Variants in COL22A1 observed in about 807,000 individuals in gnomAD.
COL22A1 encodes collagen type XXII alpha 1 chain, also known as collagen alpha-1(XXII) chain.
A neutral mutation model predicts 248.9 loss-of-function variants in COL22A1; 221 were observed. That is an observed-to-expected ratio of 0.89 (90% confidence interval 0.80 to 0.99). The LOEUF (loss-of-function observed/expected upper bound fraction) is 0.99, where lower values mean the gene tolerates loss of function less well. Among genes scored for constraint, COL22A1 ranks in the 50% least tolerant of loss-of-function variants. COL22A1 has a pLI of 0.00. For synonymous variants in COL22A1, 891 were observed against 793.4 expected (o/e 1.12, Z -2.07); for missense variants, 2,240 against 2,179.0 (o/e 1.03, Z -0.56).
At position 138,601,572 on chromosome 8, in the gene COL22A1, G is replaced by A. The variant is rs145009040; in HGVS notation, c.4185+543C>T. ...GCAGCAGTCGTGAGTGTGAGAACGC[G>A]TCCGCCTTCCACAGGCTCTTCAGAA... is the stretch of plus-strand genomic sequence containing the variant. On this transcript the variant is annotated intron_variant, in intron 60 of 64. Transcript: ENST00000303045. Among the ~76,000 whole-genome samples the A allele has an allele frequency of 3.9e-5, 6 of 152,144 alleles. 1 individual carries two copies. Among genetic ancestry groups the A allele is most frequent in the South Asian group, 4.1e-4 (2 of 4,822 alleles).
chr8:138,854,685 G>A (rs907323198), intron 3 of COL22A1, among the ~76,000 whole-genome samples: 11 of 152,138 alleles, frequency 7.2e-5, no homozygotes, highest in Non-Finnish European at 4.4e-5. Context: ...TTCTATTCCC[G>A]TTACAATAAG....
At chr8:138,843,537 C>T (rs536534722) in intron 4 of COL22A1, among the ~76,000 whole-genome samples, 17 of 152,242 alleles carry the variant, frequency 1.1e-4, no homozygotes, top group Non-Finnish European at 1.5e-4. Context: ...GATCCATGTT[C>T]GGGTAATTGG....
chr8:138,693,405 G>T (rs560499670), intron 35 of COL22A1, among the ~76,000 whole-genome samples: 2 of 152,336 alleles, frequency 1.3e-5, no homozygotes, highest in East Asian at 3.9e-4. Context: ...ATCCACATGT[G>T]CATAGAAAGA....
Position 138,767,415 on chromosome 8 carries a change from C to T in COL22A1, c.1804-4949G>A, listed in dbSNP as rs143490337. Among the ~76,000 whole-genome samples, 921 of 152,254 alleles carry T rather than the reference C, an allele frequency of 6.0e-3. 12 individuals are homozygous for T. The highest frequency in any genetic ancestry group is 0.021 in the African/African-American group (868 of 41,534). ...TGGATTCTAATCCTGACTCTGTTGA[C>T]GGCCGGCTGCCACCTGGAGAGAGGC... On this transcript the variant is annotated intron_variant, in intron 16 of 64. Transcript: ENST00000303045.
intron 41 of COL22A1, among the ~76,000 whole-genome samples, chr8:138,664,052 C>T (rs954312487): frequency 4.7e-4 from 71 of 151,748 alleles, no homozygotes; most frequent in African/African-American, 1.6e-3. Flanking sequence ...CTGGCAGCCC[C>T]GACTTCCCTG....
intron 23 of COL22A1, among the ~76,000 whole-genome samples, chr8:138,737,219 C>T (rs574465261): frequency 2.0e-5 from 3 of 152,318 alleles, no homozygotes; most frequent in African/African-American, 7.2e-5. Flanking sequence ...CCCACCACCT[C>T]GTCCTGGGGT....
intron 40 of COL22A1, among the ~76,000 whole-genome samples, chr8:138,677,511 C>T (rs771301354): frequency 0.22 from 33,993 of 151,882 alleles, 4,068 homozygotes; most frequent in African/African-American, 0.32. Flanking sequence ...AAGGCCGAGC[C>T]ACGCCTTATT....
chr8:138,771,026 G>T (rs538446797), intron 16 of COL22A1, among the ~76,000 whole-genome samples: 2 of 152,270 alleles, frequency 1.3e-5, no homozygotes, highest in Admixed American at 6.5e-5. Flanking sequence ...AAGAAACCTG[G>T]GACTTGCAGG....
At chr8:138,695,015 C>T in intron 32 of COL22A1, 136 bp from the exon 33 acceptor site, 1 of 715,158 alleles carries the variant, frequency 1.4e-6, no homozygotes, top group East Asian at 2.7e-5. Flanking sequence ...CCCCCAAAGG[C>T]TGTTCCCTCT....
intron 16 of COL22A1, among the ~76,000 whole-genome samples, chr8:138,771,602 G>T (rs1834371847): frequency 6.6e-6 from 1 of 152,208 alleles, no homozygotes; most frequent in Non-Finnish European, 1.5e-5. Context: ...ATGGAAAAAA[G>T]CCTGTTGCTT....
intron 1 of COL22A1, among the ~76,000 whole-genome samples, chr8:138,902,599 G>A (rs963512024): frequency 9.9e-5 from 15 of 151,732 alleles, no homozygotes; most frequent in Non-Finnish European, 1.5e-4. Flanking sequence ...CCAGCTACTC[G>A]GGAGGTTGAG....
In COL22A1 at chr8:138,879,879, A is replaced by G. The variant is rs932685475; in HGVS notation, c.92-1563T>C. Among the ~76,000 whole-genome samples the G allele has an allele frequency of 2.0e-5, 3 of 151,302 alleles. No homozygotes were observed. The South Asian group carries it at 6.2e-4, about 31-fold the overall frequency. On this transcript the variant is annotated intron_variant, in intron 2 of 64. Transcript: ENST00000303045. ...AAACAAAAAAACACTTTGTTGAAAT[A>G]CCAGATTGGAAAGGTAGAATGGTCT...
intron 39 of COL22A1, among the ~76,000 whole-genome samples, chr8:138,682,141 T>G (rs927805396): frequency 1.3e-5 from 2 of 152,064 alleles, no homozygotes; most frequent in East Asian, 3.9e-4. Context: ...TAGAAAGAAA[T>G]AAATAAAAAG....
chr8:138,811,230 T>G (rs975824974), intron 9 of COL22A1, among the ~76,000 whole-genome samples: 3 of 151,494 alleles, frequency 2.0e-5, no homozygotes, highest in Non-Finnish European at 4.4e-5. Flanking sequence ...CACCACTTTT[T>G]AAAAATAGAA....
intron 4 of COL22A1, 144 bp downstream of exon 4, chr8:138,843,940 T>C: frequency 2.6e-6 from 2 of 773,292 alleles, no homozygotes; most frequent in Admixed American, 1.8e-5. Flanking sequence ...ACCTGCACGA[T>C]TCAAACCACT....
chr8:138,653,138 C>CA (rs760802869), intron 45 of COL22A1, among the ~76,000 whole-genome samples: 5 of 152,262 alleles, frequency 3.3e-5, no homozygotes, highest in Non-Finnish European at 5.9e-5. Context: ...AAGCACTCAA[C>CA]AAAATGCTTA....
Position 138,762,418 on chromosome 8 carries a change from G to C in COL22A1, c.1852C>G (p.Gln618Glu). 6.2e-7 allele frequency: 1 copy of C among 1,614,090 alleles called. No homozygotes were observed. The highest frequency in any genetic ancestry group is 2.2e-5 in the East Asian group (1 of 44,866). The change falls in exon 17 of 65, where the codon CAG (glutamine) becomes GAG (glutamate). Residue 618 changes from glutamine (Q) to glutamate (E), a missense_variant. Coordinates refer to ENST00000303045, the MANE Select transcript of COL22A1 (RefSeq NM_152888.3). ...GFPGKPGDTGQQGRPGPSGVA... is the reference protein window; with the variant it reads ...GFPGKPGDTGEQGRPGPSGVA... Reference sequence around the variant, plus strand: ...CAGCGCCAGCACCCACCTACCTGCTGTCCTGTGTCCCCAGGCTTCCCAGGG... The same window carrying C: ...CAGCGCCAGCACCCACCTACCTGCTCTCCTGTGTCCCCAGGCTTCCCAGGG...
intron 22 of COL22A1, among the ~76,000 whole-genome samples, chr8:138,750,023 A>T (rs560263396): frequency 1.3e-5 from 2 of 152,010 alleles, no homozygotes; most frequent in Non-Finnish European, 2.9e-5. Flanking sequence ...TGCTGTTCTC[A>T]TGATAGTAAA....
chr8:138,718,564 C>T (rs1829625928), intron 27 of COL22A1, among the ~76,000 whole-genome samples: 1 of 152,216 alleles, frequency 6.6e-6, no homozygotes, highest in Non-Finnish European at 1.5e-5. Flanking sequence ...CAGCTTTACC[C>T]TCTAAGTGGA....
Sources: gnomAD v4.1 joint callset for allele counts (sites outside exome capture counted in the v4.1 genomes callset) on GRCh38, gnomAD v4.1.1 for gene constraint, MANE v1.5 for transcripts, NCBI Gene and HGNC (gene_info 2026-07-23, HGNC 2026-07-21) for gene names.